Variants in RAB10 observed in about 807,000 individuals in gnomAD.
The protein encoded by RAB10 is ras-related protein Rab-10.
A neutral mutation model predicts 25.7 loss-of-function variants in RAB10; 5 were observed. That is an observed-to-expected ratio of 0.19 (90% CI 0.10 to 0.41). The LOEUF is 0.41. RAB10 is among the 10% of genes least tolerant of loss of function. RAB10 has a pLI of 1.00. For synonymous variants in RAB10, 89 were observed against 86.4 expected, an observed-to-expected ratio of 1.03 and a Z score of -0.16; for missense variants, 103 against 245.8, an observed-to-expected ratio of 0.42 and a Z score of 3.89.
intron 2 of RAB10, among the ~76,000 whole-genome samples, chr2:26,109,553 G>T (rs1309007014): frequency 6.6e-6 from 1 of 152,046 alleles, no homozygotes; most frequent in African/African-American, 2.4e-5. Context: ...GAGTTTCTAT[G>T]GTGTTTGCTA....
chr2:26,056,720 C>G (rs1001024189), intron 1 of RAB10, among the ~76,000 whole-genome samples: 6 of 152,098 alleles, frequency 3.9e-5, no homozygotes, highest in Non-Finnish European at 8.8e-5. Context: ...CTTGAACTCT[C>G]GGGCTCAAGC....
intron 3 of RAB10, among the ~76,000 whole-genome samples, chr2:26,115,865 T>G (rs906741025): frequency 6.7e-6 from 1 of 149,726 alleles, no homozygotes; most frequent in Non-Finnish European, 1.5e-5. Context: ...TTACTGTTTT[T>G]TTTTTTTTTT....
chr2:26,115,992 T>G (rs1667680984), intron 3 of RAB10, among the ~76,000 whole-genome samples: 1 of 151,972 alleles, frequency 6.6e-6, no homozygotes, highest in Non-Finnish European at 1.5e-5. Flanking sequence ...CCTGAGTAGC[T>G]GGGACTACAG....
intron 1 of RAB10, among the ~76,000 whole-genome samples, chr2:26,081,683 G>T (rs753218174): frequency 3.9e-5 from 6 of 152,170 alleles, no homozygotes; most frequent in Non-Finnish European, 7.4e-5. Flanking sequence ...AGAGGTATTT[G>T]TGAACTGCGT....
chr2:26,105,650 TA>T (rs1409457098), intron 2 of RAB10, among the ~76,000 whole-genome samples: 3 of 151,518 alleles, frequency 2.0e-5, no homozygotes, highest in African/African-American at 7.3e-5. Context: ...AGGAAAAAAA[TA>T]AAAAGAAAAA....
At chr2:26,069,780 A>T (rs1179169651) in intron 1 of RAB10, among the ~76,000 whole-genome samples, 1 of 150,706 alleles carries the variant, frequency 6.6e-6, no homozygotes, top group Non-Finnish European at 1.5e-5. Flanking sequence ...ATCTCATCTC[A>T]CTGCAGCCTT....
chr2:26,095,605 T>TC (rs1049163684), intron 1 of RAB10, among the ~76,000 whole-genome samples: 5 of 143,988 alleles, frequency 3.5e-5, no homozygotes, highest in African/African-American at 1.3e-4. Context: ...AGACTCCGTC[T>TC]CAAAAAAAAA....
chr2:26,037,818 C>T (rs1002200773), intron 1 of RAB10, among the ~76,000 whole-genome samples: 1 of 152,058 alleles, frequency 6.6e-6, no homozygotes, highest in East Asian at 1.9e-4. Context: ...TGTGGCAGAA[C>T]ATGTTATTTT....
chr2:26,135,932 T>C lies in RAB10; in HGVS notation c.*911T>C, dbSNP rs1376797576. On this transcript the variant is annotated 3_prime_UTR_variant, in exon 6 of 6. Coordinates refer to ENST00000264710, the MANE Select transcript of RAB10 (RefSeq NM_016131.5). ...GGTAAACGGAAAGATAAGTTCTAAC[T>C]GCCTACTATCCAATGTCAGTTAATT... 1 of 152,652 alleles carries C rather than the reference T, an allele frequency of 6.6e-6. No homozygotes were observed. Among genetic ancestry groups the C allele is most frequent in the African/African-American group, 2.4e-5 (1 of 41,472 alleles). 9.5% of individuals were successfully genotyped at this position (152,652 alleles called of 1,614,324 possible). A position where few individuals can be genotyped will look rare whatever the true frequency, so the allele number is the denominator to read the frequency against.
intron 1 of RAB10, among the ~76,000 whole-genome samples, chr2:26,035,101 C>T (rs1665736799): frequency 6.6e-6 from 1 of 152,172 alleles, no homozygotes; most frequent in Non-Finnish European, 1.5e-5. Context: ...GCGATTGAAG[C>T]AGTACTAGCT....
chr2:26,076,817 G>A (rs987455043), intron 1 of RAB10, among the ~76,000 whole-genome samples: 40 of 151,706 alleles, frequency 2.6e-4, no homozygotes, highest in African/African-American at 8.5e-4. Flanking sequence ...GGTGGCAGGC[G>A]CCTGTAATCC....
chr2:26,091,897 C>CATG (rs1275837394), intron 1 of RAB10, among the ~76,000 whole-genome samples: 1 of 152,036 alleles, frequency 6.6e-6, no homozygotes, highest in Non-Finnish European at 1.5e-5. Context: ...GAGGACCAGG[C>CATG]ATGGTGGCTC....
rs1407185491 is a variant in RAB10, at chr2:26,136,801, C to G, written c.*1780C>G. ...AATTTTTCAGATAGTGCCCTAAAAA[C>G]AATTTTATATGCCTCACTGGTTGTT... On this transcript the variant is annotated 3_prime_UTR_variant, in exon 6 of 6. Transcript: ENST00000264710. 6.6e-6 allele frequency: 1 copy of G among 152,536 alleles called. No homozygotes were observed. Among genetic ancestry groups the G allele is most frequent in the Non-Finnish European group, 1.5e-5 (1 of 68,028 alleles). 9.4% of individuals were successfully genotyped at this position (152,536 alleles called of 1,614,324 possible). A position where few individuals can be genotyped will look rare whatever the true frequency, so the allele number is the denominator to read the frequency against.
chr2:26,094,748 G>A (rs1485924623), intron 1 of RAB10, among the ~76,000 whole-genome samples: 4 of 151,978 alleles, frequency 2.6e-5, no homozygotes, highest in African/African-American at 4.8e-5. Flanking sequence ...TAGTAGAGAC[G>A]GAGTTTCACC....
At chr2:26,116,332 A>G (rs926976774) in intron 3 of RAB10, among the ~76,000 whole-genome samples, 7 of 152,122 alleles carry the variant, frequency 4.6e-5, no homozygotes, top group Admixed American at 3.9e-4. Flanking sequence ...GGTCCACTTA[A>G]TATACATTTT....
At chr2:26,128,015 C>G in intron 5 of RAB10, 64 bp downstream of exon 5, 1 of 1,325,542 alleles carries the variant, frequency 7.5e-7, no homozygotes, top group East Asian at 2.3e-5. Context: ...TTTGTCTATT[C>G]TGAAGTACTG....
chr2:26,129,708 A>G (rs536815443), intron 5 of RAB10, among the ~76,000 whole-genome samples: 23 of 152,340 alleles, frequency 1.5e-4, no homozygotes, highest in Admixed American at 7.2e-4. Flanking sequence ...CAATGGGACT[A>G]AAAAATTGGT....
At chr2:26,056,909 A>C (rs1666278263) in intron 1 of RAB10, among the ~76,000 whole-genome samples, 1 of 152,184 alleles carries the variant, frequency 6.6e-6, no homozygotes, top group African/African-American at 2.4e-5. Context: ...GGTGTGAGCC[A>C]CTGAGCCTGG....
At chr2:26,109,662 A>G (rs1397868996) in intron 2 of RAB10, 106 bp from the exon 3 acceptor site, 4 of 1,177,046 alleles carry the variant, frequency 3.4e-6, no homozygotes, top group Non-Finnish European at 1.1e-6. Flanking sequence ...TCCTTCAACT[A>G]AAAAGTTTTT....
Sources: gnomAD v4.1 joint callset for allele counts (sites outside exome capture counted in the v4.1 genomes callset) on GRCh38, gnomAD v4.1.1 for gene constraint, MANE v1.5 for transcripts, NCBI Gene and HGNC (gene_info 2026-07-23, HGNC 2026-07-21) for gene names.